The following SLC16A10 variants were observed in gnomAD, a reference collection of about 807,000 sequenced individuals.
SLC16A10 encodes the protein solute carrier family 16 member 10.
SLC16A10 carries 27 observed loss-of-function variants against 40.0 expected under a neutral mutation model. That is an observed-to-expected ratio of 0.67 (90% CI 0.50 to 0.93). The LOEUF (loss-of-function observed/expected upper bound fraction) is 0.93, where lower values mean the gene tolerates loss of function less well. Ranked by LOEUF, SLC16A10 falls within the 40% of genes least tolerant of loss-of-function variation. The pLI is 0.00. For missense variants in SLC16A10, 529 were observed against 658.2 expected (o/e 0.80, Z 2.15); for synonymous variants, 213 against 249.8 (o/e 0.85, Z 1.39).
intron 1 of SLC16A10, among the ~76,000 whole-genome samples, chr6:111,119,660 G>C (rs1771549465): frequency 6.6e-6 from 1 of 152,136 alleles, no homozygotes; most frequent in Admixed American, 6.5e-5. Flanking sequence ...ATATTTTGAA[G>C]CTCAAACCCC....
At chr6:111,122,111 A>G (rs1246656288) in intron 1 of SLC16A10, among the ~76,000 whole-genome samples, 1 of 152,190 alleles carries the variant, frequency 6.6e-6, no homozygotes, top group Non-Finnish European at 1.5e-5. Flanking sequence ...GGTCCTGGGT[A>G]CAAGCTCAGG....
At chr6:111,134,964 C>T (rs778279273) in intron 1 of SLC16A10, among the ~76,000 whole-genome samples, 11 of 152,038 alleles carry the variant, frequency 7.2e-5, no homozygotes, top group Non-Finnish European at 7.4e-5. Context: ...TCTCCTGTCC[C>T]GGACAACTGG....
chr6:111,183,562 A>C (rs1772842501), intron 3 of SLC16A10, among the ~76,000 whole-genome samples: 2 of 152,126 alleles, frequency 1.3e-5, no homozygotes, highest in South Asian at 4.1e-4. Context: ...CATCATTTGG[A>C]TCTTTAAAAT....
At chr6:111,145,882 A>C (rs1192557339) in intron 1 of SLC16A10, among the ~76,000 whole-genome samples, 1 of 152,208 alleles carries the variant, frequency 6.6e-6, no homozygotes, top group African/African-American at 2.4e-5. Context: ...TAAAGGTATA[A>C]ATGTTTGTGG....
chr6:111,123,043 A>T (rs1354277017), intron 1 of SLC16A10, among the ~76,000 whole-genome samples: 1 of 152,120 alleles, frequency 6.6e-6, no homozygotes. Context: ...TTGCATATTA[A>T]CTGAAAAGAT....
chr6:111,122,179 T>C (rs1396093141), intron 1 of SLC16A10, among the ~76,000 whole-genome samples: 1 of 152,122 alleles, frequency 6.6e-6, no homozygotes. Flanking sequence ...TGGTGGTCAT[T>C]TTATCCCAGG....
rs1386140342 is a variant in SLC16A10, at chr6:111,227,609, ACGTT to A, written c.*5376_*5379del. 6.6e-6 allele frequency: 1 copy of A among 152,132 alleles called. No individual in the cohort carries two copies. Among genetic ancestry groups the A allele is most frequent in the East Asian group, 1.9e-4 (1 of 5,198 alleles). The allele number at this position is 152,132 out of a possible 1,614,324, so 9.4% of individuals were successfully genotyped here. On this transcript the variant is annotated 3_prime_UTR_variant, in exon 6 of 6. Coordinates refer to ENST00000368851, the MANE Select transcript of SLC16A10 (RefSeq NM_018593.5). ...TCGTAAACTTTGTCTTCACTTCCAC[ACGTT>A]CAAGGACACCTCTTTTAAAGTTCAG...
chr6:111,170,798 A>G (rs889623209), intron 1 of SLC16A10, among the ~76,000 whole-genome samples: 1 of 152,184 alleles, frequency 6.6e-6, no homozygotes, highest in Admixed American at 6.5e-5. Context: ...AATGAAATTA[A>G]ATGATTAGAG....
At chr6:111,167,376 G>T (rs536095672) in intron 1 of SLC16A10, among the ~76,000 whole-genome samples, 1 of 152,196 alleles carries the variant, frequency 6.6e-6, no homozygotes, top group Non-Finnish European at 1.5e-5. Context: ...TACTGGGCAA[G>T]TATCTGAGCT....
chr6:111,184,550 C>T (rs1028498085), intron 3 of SLC16A10, among the ~76,000 whole-genome samples: 4 of 151,444 alleles, frequency 2.6e-5, no homozygotes, highest in African/African-American at 9.7e-5. Flanking sequence ...GGCATGCTCT[C>T]GGCTCACTGC....
chr6:111,128,871 ATTTT>A (rs1771729360), intron 1 of SLC16A10, among the ~76,000 whole-genome samples: 1 of 150,704 alleles, frequency 6.6e-6, no homozygotes, highest in Non-Finnish European at 1.5e-5. Context: ...TATTCATTTT[ATTTT>A]TTCATATTCA....
chr6:111,159,247 C>A (rs1772329139), intron 1 of SLC16A10, among the ~76,000 whole-genome samples: 1 of 152,014 alleles, frequency 6.6e-6, no homozygotes, highest in South Asian at 2.1e-4. Flanking sequence ...ATGTGTGAAT[C>A]TATATTCCAC....
At chr6:111,102,080 C>T (rs1771201095) in intron 1 of SLC16A10, among the ~76,000 whole-genome samples, 1 of 152,138 alleles carries the variant, frequency 6.6e-6, no homozygotes, top group Non-Finnish European at 1.5e-5. Context: ...TCAACCAGGC[C>T]TCCTTTGTTT....
At chr6:111,221,926 A>G (rs1303335444) in intron 5 of SLC16A10, 77 bp from the exon 6 acceptor site, 2 of 1,397,994 alleles carry the variant, frequency 1.4e-6, no homozygotes, top group African/African-American at 3.0e-5. Flanking sequence ...AGATGTCTGA[A>G]TCAGTCCTGT....
At position 111,178,033 on chromosome 6, in the gene SLC16A10, C is replaced by G. The variant is rs9387005; in HGVS notation, c.942+368C>G. 8.5e-5 allele frequency among the ~76,000 whole-genome samples: 13 copies of G among 152,250 alleles called. No homozygotes were observed. The East Asian group carries it at 2.5e-3, about 29-fold the overall frequency. ...TAAAAATAAAATAAATGTCCCCAAA[C>G]AAACACAATGTTTTTTAACAGGAAG... On this transcript the variant is annotated intron_variant, in intron 3 of 5. Coordinates refer to ENST00000368851, the MANE Select transcript of SLC16A10 (RefSeq NM_018593.5).
chr6:111,208,466 T>C lies in SLC16A10; in HGVS notation c.1086+1731T>C, dbSNP rs1229967669. On this transcript the variant is annotated intron_variant, in intron 4 of 5. Transcript: ENST00000368851. The stretch of plus-strand genomic sequence containing the variant: ...GGTGGCACATTCCTGTAATCCCAGC[T>C]ACTCAGCAGGCTGAAGCAGGAGAAT... 2.0e-5 allele frequency among the ~76,000 whole-genome samples: 3 copies of C among 152,224 alleles called. No individual in the cohort carries two copies. The East Asian group carries it at 5.8e-4, about 30-fold the overall frequency.
In SLC16A10 at chr6:111,191,156, T is replaced by C. The variant is rs140974185; in HGVS notation, c.942+13491T>C. On this transcript the variant is annotated intron_variant, in intron 3 of 5. Transcript: ENST00000368851. ...CTACATTAGGTATTTCTCCTAATGC[T>C]ATCCCTCCTGTAGCCCCCCACTCCC... Among the ~76,000 whole-genome samples, 23 of 152,332 alleles carry C rather than the reference T, an allele frequency of 1.5e-4. No homozygotes were observed. The East Asian group carries it at 4.2e-3, about 28-fold the overall frequency.
chr6:111,178,777 T>A (rs1285376602), intron 3 of SLC16A10: 1 of 203,702 alleles, frequency 4.9e-6, no homozygotes, highest in Non-Finnish European at 9.8e-6. Flanking sequence ...TTGTGCAATT[T>A]TTCTTTAGTT....
At chr6:111,186,905 C>T (rs757884362) in intron 3 of SLC16A10, among the ~76,000 whole-genome samples, 42 of 152,216 alleles carry the variant, frequency 2.8e-4, no homozygotes, top group Admixed American at 1.0e-3. Flanking sequence ...AAGGGCAATG[C>T]GCACCAAATT....
Sources: gnomAD v4.1 joint callset for allele counts (sites outside exome capture counted in the v4.1 genomes callset) on GRCh38, gnomAD v4.1.1 for gene constraint, MANE v1.5 for transcripts, NCBI Gene and HGNC (gene_info 2026-07-23, HGNC 2026-07-21) for gene names.